GAB3: variants seen among roughly 807,000 people sequenced by gnomAD.
GAB3 encodes the protein GRB2-associated-binding protein 3.
A neutral mutation model predicts 40.4 loss-of-function variants in GAB3; 12 were observed. The ratio of observed to expected loss-of-function variants is 0.30; its 90% CI spans 0.19 to 0.48. The LOEUF is 0.48. Ranked by LOEUF, GAB3 falls within the 20% of genes least tolerant of loss-of-function variation. The probability of loss-of-function intolerance (pLI) is 0.99; values close to 1 mark genes in which losing one functional copy is unlikely to be tolerated. For missense variants in GAB3, 381 were observed against 461.9 expected (o/e 0.82, Z 1.61); for synonymous variants, 154 against 176.7 (o/e 0.87, Z 1.02).
intron 1 of GAB3, among the ~76,000 whole-genome samples, chrX:154,736,768 A>G (rs2071369845): frequency 8.9e-6 from 1 of 112,379 alleles, no homozygotes; most frequent in South Asian, 3.7e-4. Context: ...AACCAGTCCA[A>G]GGATTTTTCC....
At chrX:154,709,811 A>T (rs2070896091) in intron 4 of GAB3, among the ~76,000 whole-genome samples, 1 of 111,986 alleles carries the variant, frequency 8.9e-6, no homozygotes, top group Non-Finnish European at 1.9e-5. Context: ...GTAAACCAGG[A>T]TGAGATTATG....
At chrX:154,700,296 T>C (rs1557251936) in intron 4 of GAB3, among the ~76,000 whole-genome samples, 12 of 112,016 alleles carry the variant, frequency 1.1e-4, no homozygotes, top group Non-Finnish European at 2.3e-4. Context: ...AAATTCTTAT[T>C]GCATTTATTA....
chrX:154,700,189 C>A, intron 4 of GAB3, 130 bp from the exon 5 acceptor site: 1 of 466,066 alleles, frequency 2.1e-6, no homozygotes, highest in Non-Finnish European at 3.6e-6. Flanking sequence ...ACACATTTCC[C>A]CAACAGATGA....
chrX:154,719,005 G>A (rs2071088335), intron 1 of GAB3, among the ~76,000 whole-genome samples: 1 of 111,817 alleles, frequency 8.9e-6, no homozygotes, highest in Non-Finnish European at 1.9e-5. Context: ...AGACAATGAA[G>A]CTAGAAAAGG....
intron 4 of GAB3, among the ~76,000 whole-genome samples, chrX:154,705,315 G>A (rs1336279375): frequency 9.0e-6 from 1 of 111,398 alleles, no homozygotes; most frequent in Non-Finnish European, 1.9e-5. Flanking sequence ...TAACAAACCT[G>A]CACATGTACC....
chrX:154,751,284 C>CGGGGGG (rs1247944998), upstream of GAB3, among the ~76,000 whole-genome samples: 1 of 52,331 alleles, frequency 1.9e-5, no homozygotes, highest in African/African-American at 7.7e-5. Context: ...CGGCTGTGCC[C>CGGGGGG]GGGGGGGGGG....
At chrX:154,682,821 T>C (rs2070392568) in intron 8 of GAB3, among the ~76,000 whole-genome samples, 1 of 110,085 alleles carries the variant, frequency 9.1e-6, no homozygotes, top group Admixed American at 9.7e-5. Context: ...CTACTAAAAA[T>C]ACAAAAATCT....
At chrX:154,714,354 A>G (rs2071011880) in intron 2 of GAB3, among the ~76,000 whole-genome samples, 1 of 111,989 alleles carries the variant, frequency 8.9e-6, no homozygotes, top group African/African-American at 3.3e-5. Flanking sequence ...TAGTAATCAC[A>G]CATAGGCCAT....
intron 4 of GAB3, among the ~76,000 whole-genome samples, chrX:154,709,359 C>G (rs142516556): frequency 2.9e-5 from 3 of 104,005 alleles, no homozygotes; most frequent in Non-Finnish European, 5.9e-5. Context: ...CTTGCTCTGT[C>G]GCCCAGACTG....
chrX:154,723,877 C>T lies in GAB3; in HGVS notation c.73-7548G>A, dbSNP rs183628800. On this transcript the variant is annotated intron_variant, in intron 1 of 9. Coordinates refer to ENST00000424127, the MANE Select transcript of GAB3 (RefSeq NM_001081573.3). ...GGAGACCTGAATTTGAATTCCGATT[C>T]TACTTTCTGTGTGACTTTGAGCACA... Among the ~76,000 whole-genome samples, 202 of 111,815 alleles carry T rather than the reference C, an allele frequency of 1.8e-3. 2 individuals carry two copies. The highest frequency in any genetic ancestry group is 6.5e-3 in the African/African-American group (199 of 30,754).
chrX:154,686,715 A>G (rs2070455489), intron 8 of GAB3, among the ~76,000 whole-genome samples: 1 of 109,598 alleles, frequency 9.1e-6, no homozygotes, highest in Non-Finnish European at 1.9e-5. Context: ...TACAGGTGCG[A>G]GCCACTGAAC....
chrX:154,695,599 G>T (rs782587745), intron 8 of GAB3, among the ~76,000 whole-genome samples: 61 of 112,385 alleles, frequency 5.4e-4, no homozygotes, highest in African/African-American at 1.7e-3. Context: ...CAAACCTATT[G>T]GGGTCAAACA....
intron 4 of GAB3, among the ~76,000 whole-genome samples, chrX:154,704,012 A>G (rs1248134173): frequency 8.9e-6 from 1 of 111,854 alleles, no homozygotes; most frequent in Non-Finnish European, 1.9e-5. Flanking sequence ...ACAGATAAAT[A>G]GATAAAGAAA....
intron 1 of GAB3, among the ~76,000 whole-genome samples, chrX:154,725,555 A>G (rs1405828702): frequency 9.0e-6 from 1 of 110,869 alleles, no homozygotes; most frequent in African/African-American, 3.3e-5. Flanking sequence ...CAGAGATCGG[A>G]ATTCTGGGTG....
intron 4 of GAB3, among the ~76,000 whole-genome samples, chrX:154,709,800 G>A (rs949047687): frequency 9.0e-6 from 1 of 111,416 alleles, no homozygotes; most frequent in Non-Finnish European, 1.9e-5. Context: ...TGACAACATG[G>A]GTAAACCAGG....
intron 4 of GAB3, among the ~76,000 whole-genome samples, chrX:154,702,817 G>C (rs2070756983): frequency 1.8e-5 from 2 of 112,028 alleles, no homozygotes; most frequent in Non-Finnish European, 3.8e-5. Context: ...ATGAAAAGGT[G>C]CTCAATGTTA....
chrX:154,678,448 G>A (rs1397615971), intron 9 of GAB3, among the ~76,000 whole-genome samples, 154 bp from the exon 10 acceptor site: 3 of 112,759 alleles, frequency 2.7e-5, no homozygotes, highest in Non-Finnish European at 5.6e-5. Context: ...GTGCACGCAC[G>A]TGCTTCTGCT....
chrX:154,721,026 T>A (rs1557258617), intron 1 of GAB3, among the ~76,000 whole-genome samples: 1 of 111,305 alleles, frequency 9.0e-6, no homozygotes, highest in Non-Finnish European at 1.9e-5. Context: ...CTTCAATGGA[T>A]AGGTTATAAG....
chrX:154,703,140 C>G (rs1443908857), intron 4 of GAB3, among the ~76,000 whole-genome samples: 1 of 112,031 alleles, frequency 8.9e-6, no homozygotes, highest in South Asian at 3.7e-4. Context: ...CCCAGCAGTC[C>G]CATCACTGGA....
Sources: allele counts gnomAD v4.1 joint callset (sites outside exome capture counted in the v4.1 genomes callset), GRCh38; gene constraint gnomAD v4.1.1; transcripts MANE v1.5; gene names NCBI Gene and HGNC (gene_info 2026-07-23, HGNC 2026-07-21).